LCTL: variants seen among roughly 807,000 people sequenced by gnomAD.
LCTL encodes lactase like.
A neutral mutation model predicts 75.8 loss-of-function variants in LCTL; 76 were observed. The ratio of observed to expected loss-of-function variants is 1.00; its 90% confidence interval spans 0.83 to 1.21. The LOEUF is 1.21. Ranked by LOEUF, LCTL falls within the 50% of genes most tolerant of loss-of-function variation. The pLI is 0.00. For missense variants in LCTL, 670 were observed against 712.4 expected (o/e 0.94, Z 0.68); for synonymous variants, 271 against 268.8 (o/e 1.01, Z -0.08).
exon 13 of LCTL, chr15:66,548,396 C>T: frequency 3.7e-6 from 2 of 545,250 alleles, no homozygotes; most frequent in Non-Finnish European, 6.5e-6. Context: ...TATTGTAGAA[C>T]CTGAAAACAG....
chr15:66,548,435 AG>A (rs1895462745), exon 13 of LCTL: 1 of 911,792 alleles, frequency 1.1e-6, no homozygotes, highest in South Asian at 1.6e-5. Context: ...AAAGCAGAAA[AG>A]GGAGGAAGAT....
Position 66,553,200 on chromosome 15 carries a change from C to T in LCTL, c.981G>A (p.Gln327=), listed in dbSNP as rs763811252. The T allele has an allele frequency of 1.9e-5, 31 of 1,607,636 alleles. No individual in the cohort carries two copies. Among genetic ancestry groups the T allele is most frequent in the Non-Finnish European group, 2.5e-5 (30 of 1,177,084 alleles). The change falls in exon 9 of 13, where the codon CAG becomes CAA. Residue 327 remains glutamine (Q), a synonymous_variant. Coordinates refer to ENST00000341509, the Ensembl canonical transcript of LCTL. ...ATGTGCCTTTAATGTAGCTCTTCTCCTGGAGTGAGAACACCGGTAACCTCG... is the reference window on the plus strand; with the variant it reads ...ATGTGCCTTTAATGTAGCTCTTCTCTTGGAGTGAGAACACCGGTAACCTCG...
At chr15:66,560,454 A>G (rs564741225) in intron 6 of LCTL, among the ~76,000 whole-genome samples, 76 of 152,166 alleles carry the variant, frequency 5.0e-4, no homozygotes, top group South Asian at 1.2e-3. Context: ...TGCTGGCCCT[A>G]AGAGCACCTC....
At chr15:66,553,537 C>G (rs1203340595) in intron 8 of LCTL, among the ~76,000 whole-genome samples, 1 of 152,060 alleles carries the variant, frequency 6.6e-6, no homozygotes, top group Non-Finnish European at 1.5e-5. Context: ...GGGCGGATCA[C>G]AAGGTCAGGA....
At chr15:66,549,563 A>G (rs945327595) in intron 12 of LCTL, 4 of 152,414 alleles carry the variant, frequency 2.6e-5, no homozygotes, top group African/African-American at 9.6e-5. Flanking sequence ...ACCCCATTAC[A>G]TAGGAAATGA....
chr15:66,558,544 G>A (rs188368934), intron 6 of LCTL, among the ~76,000 whole-genome samples: 50 of 152,230 alleles, frequency 3.3e-4, no homozygotes, highest in African/African-American at 1.2e-3. Context: ...AGTGATTATC[G>A]GTGTGTGATC....
intron 9 of LCTL, 81 bp from the exon 11 acceptor site, chr15:66,552,250 C>G: frequency 8.6e-7 from 1 of 1,157,310 alleles, no homozygotes; most frequent in South Asian, 1.5e-5. Flanking sequence ...CATATAGGAA[C>G]ACATATTCAA....
At chr15:66,551,058 C>G (rs1191438121) in intron 11 of LCTL, among the ~76,000 whole-genome samples, 1 of 151,820 alleles carries the variant, frequency 6.6e-6, no homozygotes, top group Non-Finnish European at 1.5e-5. Context: ...CATTAAGACA[C>G]AAGATTTGGG....
chr15:66,551,878 T>C lies in LCTL; in HGVS notation c.1325-17A>G, dbSNP rs752791767. On this transcript the variant is annotated splice_polypyrimidine_tract_variant and intron_variant, in intron 10 of 12. Coordinates refer to ENST00000341509, the Ensembl canonical transcript of LCTL. ...CTTTTATAGCTGCAAAGACATTTTATTCCATTTTAAATATATTTCATTTAC... is the reference window on the plus strand; with the variant it reads ...CTTTTATAGCTGCAAAGACATTTTACTCCATTTTAAATATATTTCATTTAC... The C allele has an allele frequency of 1.3e-6, 2 of 1,583,672 alleles. No homozygotes were observed. Among genetic ancestry groups the C allele is most frequent in the Admixed American group, 3.5e-5 (2 of 57,052 alleles).
chr15:66,563,500 C>T lies in LCTL; in HGVS notation c.480+16G>A. On this transcript the variant is annotated intron_variant, in intron 4 of 12. Coordinates refer to ENST00000341509, the Ensembl canonical transcript of LCTL. Reference sequence around the variant, plus strand: ...TTGAGTCCCCTTTGGGCCTGTGAGCCTGCTCAGGTCCTCACCTGTGGCAGA... The same window carrying T: ...TTGAGTCCCCTTTGGGCCTGTGAGCTTGCTCAGGTCCTCACCTGTGGCAGA... 6.3e-7 allele frequency: 1 copy of T among 1,595,028 alleles called. No individual in the cohort carries two copies. The highest frequency in any genetic ancestry group is 1.1e-5 in the South Asian group (1 of 90,420).
At chr15:66,563,618 C>T in exon 4 of LCTL, 1 of 1,605,348 alleles carries the variant, frequency 6.2e-7, no homozygotes, top group Non-Finnish European at 8.5e-7. Context: ...TCTTGTTCAC[C>T]TGCTCGGCTG....
intron 3 of LCTL, 27 bp from the exon 5 acceptor site, chr15:66,563,652 A>G (rs1465280401): frequency 1.3e-6 from 2 of 1,511,964 alleles, no homozygotes; most frequent in Non-Finnish European, 1.8e-6. Context: ...AGAAGATGCT[A>G]CCAGAAAGGA....
chr15:66,552,689 A>G (rs953723058), intron 9 of LCTL, among the ~76,000 whole-genome samples: 9 of 139,064 alleles, frequency 6.5e-5, no homozygotes, highest in African/African-American at 2.3e-4. Context: ...AAAAAAAAAA[A>G]CATTGTTGGA....
At position 66,561,173 on chromosome 15, in the gene LCTL, G is replaced by T; in HGVS notation, c.609+14C>A. ...GGAGTGTCACATTCTCCCACCTGGAGGGGCCCTGCTTACCCGAGGATCACT... is the reference window on the plus strand; with the variant it reads ...GGAGTGTCACATTCTCCCACCTGGATGGGCCCTGCTTACCCGAGGATCACT... On this transcript the variant is annotated intron_variant, in intron 5 of 12. Coordinates refer to ENST00000341509, the Ensembl canonical transcript of LCTL. 6.2e-7 allele frequency: 1 copy of T among 1,614,202 alleles called. No individual in the cohort carries two copies.
intron 2 of LCTL, chr15:66,564,211 C>T: frequency 1.7e-6 from 1 of 582,786 alleles, no homozygotes; most frequent in African/African-American, 1.9e-5. Context: ...GACAGGGAGG[C>T]ACTGAGAGAA....
At chr15:66,556,188 G>C (rs1052562131) in intron 8 of LCTL, among the ~76,000 whole-genome samples, 1 of 152,164 alleles carries the variant, frequency 6.6e-6, no homozygotes, top group Admixed American at 6.5e-5. Context: ...GCTGGATCTT[G>C]AGATATTTGT....
intron 12 of LCTL, chr15:66,549,682 T>C (rs746476292): frequency 1.2e-4 from 19 of 163,146 alleles, no homozygotes; most frequent in Non-Finnish European, 2.5e-4. Context: ...AATGAACAAA[T>C]ATAAGATCTC....
At chr15:66,559,056 G>A (rs561992476) in intron 6 of LCTL, among the ~76,000 whole-genome samples, 1 of 151,484 alleles carries the variant, frequency 6.6e-6, no homozygotes, top group African/African-American at 2.4e-5. Context: ...TTGAGATGGG[G>A]TCTTGCTTGT....
Position 66,548,625 on chromosome 15 carries a change from G to A in LCTL, c.1589-20C>T, listed in dbSNP as rs566134777. ...AGGGCTCTGAAATGACAAAGAGAAC[G>A]AGCACCACAAATGAGAACAGGATCA... is the stretch of plus-strand genomic sequence containing the variant. On this transcript the variant is annotated intron_variant, in intron 12 of 12. Coordinates refer to ENST00000341509, the Ensembl canonical transcript of LCTL. 35 of 1,260,038 alleles carry A rather than the reference G, an allele frequency of 2.8e-5. No homozygotes were observed. Among genetic ancestry groups the A allele is most frequent in the African/African-American group, 1.6e-4 (11 of 68,146 alleles). The allele number at this position is 1,260,038 out of a possible 1,614,324, so 78.1% of individuals were successfully genotyped here.
Sources: gnomAD v4.1 joint callset for allele counts (sites outside exome capture counted in the v4.1 genomes callset) on GRCh38, gnomAD v4.1.1 for gene constraint, MANE v1.5 for transcripts, NCBI Gene and HGNC (gene_info 2026-07-23, HGNC 2026-07-21) for gene names.